TMEM114: variants seen among roughly 807,000 people sequenced by gnomAD.
TMEM114 encodes transmembrane protein 114.
TMEM114 carries 6 observed loss-of-function variants against 6.2 expected under a neutral mutation model. The observed-to-expected ratio is 0.97, with a 90% confidence interval of 0.53 to 1.91. The LOEUF (loss-of-function observed/expected upper bound fraction) is 1.91. Ranked by LOEUF, TMEM114 falls within the 40% of genes most tolerant of loss-of-function variation. TMEM114 has a pLI of 0.01. For synonymous variants in TMEM114, 104 were observed against 73.0 expected (o/e 1.42, Z -2.16); for missense variants, 218 against 158.3 (o/e 1.38, Z -2.02).
In TMEM114 at chr16:8,569,587, A is replaced by G. The variant is rs1901654849; in HGVS notation, c.*186T>C. On this transcript the variant is annotated 3_prime_UTR_variant, in exon 4 of 4. Coordinates refer to ENST00000620492, the MANE Select transcript of TMEM114 (RefSeq NM_001146336.2). ...GGCCACACGGACACACACGGACATA[A>G]GCACACAGGTACTAGGATAACAGCC... The G allele has an allele frequency of 2.1e-6, 3 of 1,428,124 alleles. No homozygotes were observed. The African/African-American group carries it at 4.3e-5, about 21-fold the overall frequency. The allele number at this position is 1,428,124 out of a possible 1,614,324, so 88.5% of individuals were successfully genotyped here.
At chr16:8,534,126 T>G (rs186590464), downstream of TMEM114, among the ~76,000 whole-genome samples, 104 of 152,330 alleles carry the variant, frequency 6.8e-4, no homozygotes, top group Admixed American at 1.2e-3. Context: ...CTGAAATATT[T>G]ATTGTGCATA....
intron 2 of TMEM114, among the ~76,000 whole-genome samples, chr16:8,573,608 T>C (rs1296067883): frequency 6.6e-6 from 1 of 152,016 alleles, no homozygotes; most frequent in African/African-American, 2.4e-5. Context: ...TTACCAAATG[T>C]GTATTGGTTG....
chr16:8,589,263 G>A lies in TMEM114; in HGVS notation c.251C>T (p.Pro84Leu), dbSNP rs1387840802. 5.0e-6 allele frequency: 2 copies of A among 398,724 alleles called. No homozygotes were observed. Among genetic ancestry groups the A allele is most frequent in the African/African-American group, 2.1e-5 (1 of 48,614 alleles). 24.7% of individuals were successfully genotyped at this position (398,724 alleles called of 1,614,324 possible). The change falls in exon 2 of 4, where the codon CCC becomes CTC. Residue 84 changes from proline to leucine, a missense_variant. Coordinates refer to ENST00000620492, the MANE Select transcript of TMEM114 (RefSeq NM_001146336.2). ...GACTGTCACGTTCTCCAGCCTGAAG[G>A]GGTTCATCAGCGGTGTGCACGGGCT... Reference protein sequence around the residue: ...VQSPCTPLMNPFRLENVTVSE... With the variant: ...VQSPCTPLMNLFRLENVTVSE...
At chr16:8,557,363 G>A (rs1395302464) in intron 2 of TMEM114, among the ~76,000 whole-genome samples, 2 of 152,104 alleles carry the variant, frequency 1.3e-5, no homozygotes, top group Non-Finnish European at 2.9e-5. Flanking sequence ...GCCCAGTGTA[G>A]CCCATGGGGA....
Position 8,589,084 on chromosome 16 carries a change from G to A in TMEM114, c.301+129C>T, listed in dbSNP as rs961607772. On this transcript the variant is annotated intron_variant, in intron 2 of 3. Transcript: ENST00000620492. ...GGTCTTAAGCCCACTCCATTCTCAG[G>A]CTGGGCTGTCAGAGGCCACCCCAGC... is the stretch of plus-strand genomic sequence containing the variant. 3.0e-4 allele frequency: 120 copies of A among 394,274 alleles called. 1 individual carries two copies. Among genetic ancestry groups the A allele is most frequent in the African/African-American group, 2.3e-3 (114 of 48,644 alleles). The allele number at this position is 394,274 out of a possible 1,614,324, so 24.4% of individuals were successfully genotyped here. A position where few individuals can be genotyped will look rare whatever the true frequency, so the allele number is the denominator to read the frequency against.
In TMEM114 at chr16:8,589,231, A is replaced by G; in HGVS notation, c.283T>C (p.Ser95Pro). 3 of 398,930 alleles carry G rather than the reference A, an allele frequency of 7.5e-6. No homozygotes were observed. The East Asian group carries it at 1.1e-4, about 14-fold the overall frequency. The allele number at this position is 398,930 out of a possible 1,614,324, so 24.7% of individuals were successfully genotyped here. Residue 95 changes from serine to proline, a missense_variant, in exon 2 of 4, where the codon TCG (serine) becomes CCG (proline). Ser to Pro is a moderately conservative substitution (Grantham distance 74). Coordinates refer to ENST00000620492, the MANE Select transcript of TMEM114 (RefSeq NM_001146336.2). The stretch of plus-strand genomic sequence containing the variant: ...GACTCACTGAGAAGTTGCCGGCTCG[A>G]TTCGCTGACTGTCACGTTCTCCAGC... ...FRLENVTVSE[S>P]SRQLLTMHGT... is the part of the protein sequence containing the mutation.
At chr16:8,533,009 C>A (rs1224880895), downstream of TMEM114, among the ~76,000 whole-genome samples, 1 of 152,188 alleles carries the variant, frequency 6.6e-6, no homozygotes, top group African/African-American at 2.4e-5. Flanking sequence ...GAGCTACATT[C>A]TAAGCAGTAG....
At chr16:8,576,348 C>T (rs1232262839) in intron 2 of TMEM114, among the ~76,000 whole-genome samples, 5 of 152,230 alleles carry the variant, frequency 3.3e-5, no homozygotes, top group Non-Finnish European at 4.4e-5. Context: ...GCCCGAATCC[C>T]GTAAGTCCTT....
chr16:8,547,396 C>T (rs79582077), intron 2 of TMEM114, among the ~76,000 whole-genome samples: 969 of 74,294 alleles, frequency 0.013, 9 homozygotes, highest in African/African-American at 0.056. Context: ...TTCTTTCTTT[C>T]TTTTTTTTTT....
chr16:8,529,574 T>G, the TMEM114 span, among the ~76,000 whole-genome samples: 2 of 152,154 alleles, frequency 1.3e-5, no homozygotes, highest in African/African-American at 4.8e-5. Context: ...CCCCTTCAGA[T>G]GAACTGAATT....
Position 8,572,287 on chromosome 16 carries a change from CAA to C in TMEM114, c.302-65_302-64del, listed in dbSNP as rs921637132. ...TTACTAACATCCTTCATTCAATCAA[CAA>C]ACACTTCCCGAGCACCTACTAGAGC... On this transcript the variant is annotated intron_variant, in intron 2 of 3. Transcript: ENST00000620492. 178 of 1,539,702 alleles carry C rather than the reference CAA, an allele frequency of 1.2e-4. No homozygotes were observed. In the Middle Eastern group the frequency reaches 6.2e-3, roughly 54 times the overall value.
rs548025435 is a variant in TMEM114 at position 8,553,531 on chromosome 16, G to T, written n.213-15705C>A. On this transcript the variant is annotated intron_variant and non_coding_transcript_variant, in intron 2 of 2. Coordinates refer to the TMEM114 transcript ENST00000623677. Reference sequence around the variant, plus strand: ...GACGGAGTCTCGCTGTGTCACCCAGGCTGGAGTGCAGTGGCACGATCTCGA... The same window carrying T: ...GACGGAGTCTCGCTGTGTCACCCAGTCTGGAGTGCAGTGGCACGATCTCGA... Among the ~76,000 whole-genome samples, 20 of 152,234 alleles carry T rather than the reference G, an allele frequency of 1.3e-4. 1 individual carries two copies. Among genetic ancestry groups the T allele is most frequent in the Middle Eastern group, 3.4e-3 (1 of 294 alleles).
At chr16:8,569,194 C>T (rs1901636995), downstream of TMEM114, among the ~76,000 whole-genome samples, 4 of 152,102 alleles carry the variant, frequency 2.6e-5, no homozygotes, top group South Asian at 6.2e-4. Context: ...TGGGGGAGGA[C>T]GGAAAAGGTA....
intron 2 of TMEM114, among the ~76,000 whole-genome samples, chr16:8,578,780 A>G (rs1376702672): frequency 2.0e-5 from 3 of 152,134 alleles, no homozygotes; most frequent in Non-Finnish European, 4.4e-5. Context: ...GAAGTTCAAA[A>G]CTAGCCTGGG....
In TMEM114 at chr16:8,589,731, G is replaced by C. The variant is rs1181692891; in HGVS notation, c.108C>G (p.Asp36Glu). The change falls in exon 1 of 4, where the codon GAC (aspartate) becomes GAG (glutamate). Residue 36 changes from aspartate (D) to glutamate (E), a missense_variant. Coordinates refer to ENST00000620492, the MANE Select transcript of TMEM114 (RefSeq NM_001146336.2). Reference protein sequence around the residue: ...AIGTDFWYIIDTERLERTGPG... With the variant: ...AIGTDFWYIIETERLERTGPG... Reference sequence around the variant, plus strand: ...GGCCAGTCCTCTCCAGCCGCTCGGTGTCAATGATATACCAGAAGTCCGTGC... The same window carrying C: ...GGCCAGTCCTCTCCAGCCGCTCGGTCTCAATGATATACCAGAAGTCCGTGC... 5.0e-6 allele frequency: 2 copies of C among 398,422 alleles called. No individual in the cohort carries two copies. Among genetic ancestry groups the C allele is most frequent in the African/African-American group, 4.1e-5 (2 of 48,600 alleles). 24.7% of individuals were successfully genotyped at this position (398,422 alleles called of 1,614,324 possible).
At chr16:8,549,897 C>T (rs544243973) in intron 2 of TMEM114, among the ~76,000 whole-genome samples, 3 of 152,166 alleles carry the variant, frequency 2.0e-5, no homozygotes, top group Non-Finnish European at 4.4e-5. Flanking sequence ...CCCCCACAGT[C>T]CATCTGCAAG....
the TMEM114 span, among the ~76,000 whole-genome samples, chr16:8,527,795 C>T: frequency 6.6e-6 from 1 of 152,176 alleles, no homozygotes; most frequent in Admixed American, 6.5e-5. Flanking sequence ...ATGACTCTGT[C>T]TCCCCCCAAT....
chr16:8,588,845 C>A (rs1272916551), intron 2 of TMEM114, among the ~76,000 whole-genome samples: 1 of 152,206 alleles, frequency 6.6e-6, no homozygotes, highest in Non-Finnish European at 1.5e-5. Context: ...AATTTAGGTC[C>A]CTGCAGGGGC....
In TMEM114 at chr16:8,589,286, G is replaced by T. The variant is rs1469726054; in HGVS notation, c.228C>A (p.Ser76Arg). 2.5e-6 allele frequency: 1 copy of T among 398,732 alleles called. No individual in the cohort carries two copies. The highest frequency in any genetic ancestry group is 4.4e-6 in the Non-Finnish European group (1 of 226,248). The allele number at this position is 398,732 out of a possible 1,614,324, so 24.7% of individuals were successfully genotyped here. A position where few individuals can be genotyped will look rare whatever the true frequency, so the allele number is the denominator to read the frequency against. ...SGLWRTCRVQ[S>R]PCTPLMNPFR... ...AGGGGTTCATCAGCGGTGTGCACGG[G>T]CTCTGCACTGGATAGGACGGAGGAA... Residue 76 changes from serine to arginine, a missense_variant, in exon 2 of 4, where the codon AGC (serine) becomes AGA (arginine). Transcript: ENST00000620492.
Sources: allele counts gnomAD v4.1 joint callset (sites outside exome capture counted in the v4.1 genomes callset), GRCh38; gene constraint gnomAD v4.1.1; transcripts MANE v1.5; gene names NCBI Gene and HGNC (gene_info 2026-07-23, HGNC 2026-07-21).